The following ASCL3 variants were observed in gnomAD, a reference collection of about 807,000 sequenced individuals.
ASCL3 encodes achaete-scute family bHLH transcription factor 3, also known as achaete-scute homolog 3.
A neutral mutation model predicts 2.3 loss-of-function variants in ASCL3; 1 was observed. That is an observed-to-expected ratio of 0.44 (90% CI 0.16 to 2.10). The LOEUF is 2.10. ASCL3 is among the 30% of genes most tolerant of loss of function. The pLI is 0.28. For missense variants in ASCL3, 243 were observed against 229.0 expected, an observed-to-expected ratio of 1.06 and a Z score of -0.40; for synonymous variants, 98 against 88.5, an observed-to-expected ratio of 1.11 and a Z score of -0.60.
At chr11:8,939,674 T>C (rs1161994015) in intron 1 of ASCL3, among the ~76,000 whole-genome samples, 1 of 152,080 alleles carries the variant, frequency 6.6e-6, no homozygotes, top group African/African-American at 2.4e-5. Context: ...AAAAAAAGTG[T>C]GGGAAAGGCT....
intron 1 of ASCL3, among the ~76,000 whole-genome samples, chr11:8,940,872 T>G (rs763716495): frequency 6.6e-6 from 1 of 152,138 alleles, no homozygotes; most frequent in Non-Finnish European, 1.5e-5. Flanking sequence ...AATACAGAGA[T>G]GATTGAAAGT....
chr11:8,940,535 A>G lies in ASCL3; in HGVS notation c.-12-2362T>C, dbSNP rs1237148507. The stretch of plus-strand genomic sequence containing the variant: ...AGTCATAACACCCTCAGGTTTCAAT[A>G]TGGCCTTACCCCTTCCTAGCTATGT... On this transcript the variant is annotated intron_variant, in intron 1 of 1. Coordinates refer to ENST00000531618, the MANE Select transcript of ASCL3 (RefSeq NM_020646.3). Among the ~76,000 whole-genome samples, 2 of 152,098 alleles carry G rather than the reference A, an allele frequency of 1.3e-5. 1 individual carries two copies. Among genetic ancestry groups the G allele is most frequent in the Non-Finnish European group, 2.9e-5 (2 of 68,004 alleles).
chr11:8,940,218 T>TTCCCACGTCAGCC (rs59807632), intron 1 of ASCL3, among the ~76,000 whole-genome samples: 84,673 of 150,670 alleles, frequency 0.56, 25,418 homozygotes, highest in East Asian at 0.69. Context: ...TCAAAAGATC[T>TTCCCACGTCAGCC]TCCCACAGCA....
intron 1 of ASCL3, among the ~76,000 whole-genome samples, chr11:8,941,367 A>C (rs1051988667): frequency 6.7e-6 from 1 of 149,044 alleles, no homozygotes; most frequent in African/African-American, 2.5e-5. Context: ...ACACACACAC[A>C]CCAGTCCTAA....
In ASCL3 at chr11:8,937,710, G is replaced by C; in HGVS notation, c.452C>G (p.Pro151Arg). The change falls in exon 2 of 2, where the codon CCT (proline) becomes CGT (arginine). Residue 151 changes from proline to arginine, a missense_variant. Pro to Arg is a moderately radical substitution (Grantham distance 103). Transcript: ENST00000531618. The part of the protein sequence containing the change: ...YINYLQSLLY[P>R]DKAETKNNPG... ...GTTATTCTTGGTCTCAGCTTTATCA[G>C]GGTACAGAAGAGACTGCAGGTAGTT... 1 of 1,614,104 alleles carries C rather than the reference G, an allele frequency of 6.2e-7. No homozygotes were observed. The highest frequency in any genetic ancestry group is 8.5e-7 in the Non-Finnish European group (1 of 1,179,988).
chr11:8,940,610 C>G (rs1440470781), intron 1 of ASCL3, among the ~76,000 whole-genome samples: 1 of 152,098 alleles, frequency 6.6e-6, no homozygotes. Context: ...TTCCCCATGT[C>G]CAAATGAGCT....
intron 1 of ASCL3, among the ~76,000 whole-genome samples, chr11:8,941,668 A>G (rs1455355002): frequency 2.0e-5 from 3 of 152,150 alleles, no homozygotes; most frequent in Non-Finnish European, 4.4e-5. Context: ...GATAAGTGGG[A>G]TAGCTCCAAT....
Position 8,938,375 on chromosome 11 carries a change from G to A in ASCL3, c.-12-202C>T, listed in dbSNP as rs11042130. 3.1e-3 allele frequency among the ~76,000 whole-genome samples: 473 copies of A among 151,864 alleles called. 7 individuals carry two copies. In the East Asian group the frequency reaches 0.045, roughly 14 times the overall value. On this transcript the variant is annotated intron_variant, in intron 1 of 1. Transcript: ENST00000531618. ...AGCAATTCTCCTGCCTCAGCCTCCCGAGTAGCTTGGGATTACAGGCGTCTG... is the reference window on the plus strand; with the variant it reads ...AGCAATTCTCCTGCCTCAGCCTCCCAAGTAGCTTGGGATTACAGGCGTCTG...
chr11:8,941,648 G>A (rs1263732862), intron 1 of ASCL3, among the ~76,000 whole-genome samples: 1 of 151,998 alleles, frequency 6.6e-6, no homozygotes, highest in Non-Finnish European at 1.5e-5. Context: ...GCGACGGGGT[G>A]GTGGGATGAG....
intron 1 of ASCL3, among the ~76,000 whole-genome samples, chr11:8,938,804 T>G (rs894886062): frequency 4.0e-5 from 6 of 151,394 alleles, no homozygotes; most frequent in Non-Finnish European, 8.9e-5. Flanking sequence ...GAATTCTTTT[T>G]TTTTTTTTTT....
chr11:8,939,242 T>G (rs981848189), intron 1 of ASCL3, among the ~76,000 whole-genome samples: 2 of 151,938 alleles, frequency 1.3e-5, no homozygotes, highest in African/African-American at 2.4e-5. Flanking sequence ...ATAAAGTTCC[T>G]TTTTTTCTTT....
chr11:8,940,889 G>C (rs2742503), intron 1 of ASCL3, among the ~76,000 whole-genome samples: 99 of 152,274 alleles, frequency 6.5e-4, no homozygotes, highest in African/African-American at 2.2e-3. Flanking sequence ...AAGTGTTTGA[G>C]AGGGTGTGTG....
intron 1 of ASCL3, among the ~76,000 whole-genome samples, chr11:8,941,264 C>G (rs945891787): frequency 5.3e-5 from 8 of 151,952 alleles, no homozygotes; most frequent in African/African-American, 1.9e-4. Context: ...GTGTTAATTT[C>G]TCAGCAGGTT....
intron 1 of ASCL3, among the ~76,000 whole-genome samples, chr11:8,938,671 G>C (rs1319778201): frequency 6.6e-6 from 1 of 152,032 alleles, no homozygotes; most frequent in Non-Finnish European, 1.5e-5. Flanking sequence ...CACAGAAACA[G>C]CACTAAATAA....
At chr11:8,940,016 C>T (rs2064698681) in intron 1 of ASCL3, among the ~76,000 whole-genome samples, 1 of 151,916 alleles carries the variant, frequency 6.6e-6, no homozygotes, top group Non-Finnish European at 1.5e-5. Flanking sequence ...TTTGTTCTGT[C>T]AGCCAGGCTG....
chr11:8,938,286 G>A (rs891939716), intron 1 of ASCL3, 113 bp from the exon 2 acceptor site: 3 of 1,010,718 alleles, frequency 3.0e-6, no homozygotes, highest in Middle Eastern at 3.4e-4. Context: ...GTCTGGCTCT[G>A]TTGCCCAGGC....
intron 1 of ASCL3, among the ~76,000 whole-genome samples, chr11:8,941,126 A>T (rs1182796416): frequency 1.3e-5 from 2 of 152,090 alleles, no homozygotes; most frequent in African/African-American, 2.4e-5. Context: ...TGTTTTCCTT[A>T]ACACTGTAGA....
chr11:8,941,906 G>A (rs1224071443), intron 1 of ASCL3, among the ~76,000 whole-genome samples: 3 of 152,090 alleles, frequency 2.0e-5, no homozygotes, highest in Admixed American at 2.0e-4. Context: ...GTGGCAAATG[G>A]GTGTGGAGCC....
Position 8,937,868 on chromosome 11 carries a change from C to T in ASCL3, c.294G>A (p.Arg98=). Residue 98 remains arginine, a synonymous_variant, in exon 2 of 2, where the codon AGG becomes AGA. Coordinates refer to ENST00000531618, the MANE Select transcript of ASCL3 (RefSeq NM_020646.3). The part of the protein sequence containing the change: ...YSYGPAFTRK[R]NERERQRVKC... The stretch of plus-strand genomic sequence containing the variant: ...TCACCCGCTGCCTTTCCCGCTCATT[C>T]CTTTTCCGGGTGAAGGCTGGCCCGT... 1 of 1,614,102 alleles carries T rather than the reference C, an allele frequency of 6.2e-7. No individual in the cohort carries two copies. The highest frequency in any genetic ancestry group is 1.1e-5 in the South Asian group (1 of 91,084).
Sources: allele counts gnomAD v4.1 joint callset (sites outside exome capture counted in the v4.1 genomes callset), GRCh38; gene constraint gnomAD v4.1.1; transcripts MANE v1.5; gene names NCBI Gene and HGNC (gene_info 2026-07-23, HGNC 2026-07-21).